The following DACH1 variants were observed in gnomAD, a reference collection of about 807,000 sequenced individuals.
DACH1 encodes the protein dachshund homolog 1.
A neutral mutation model predicts 54.2 loss-of-function variants in DACH1; 12 were observed. The ratio of observed to expected loss-of-function variants is 0.22; its 90% CI spans 0.14 to 0.36. The LOEUF (loss-of-function observed/expected upper bound fraction) is 0.36. Among genes scored for constraint, DACH1 ranks in the 10% least tolerant of loss-of-function variants. The pLI is 1.00. For synonymous variants in DACH1, 386 were observed against 366.2 expected (o/e 1.05, Z -0.62); for missense variants, 805 against 929.8 (o/e 0.87, Z 1.75).
At chr13:71,814,254 A>G (rs1424469821) in intron 1 of DACH1, among the ~76,000 whole-genome samples, 1 of 152,226 alleles carries the variant, frequency 6.6e-6, no homozygotes, top group East Asian at 1.9e-4. Flanking sequence ...AAGTTTATAA[A>G]TTATGCATGT....
At chr13:71,526,266 T>C (rs879426384) in intron 6 of DACH1, among the ~76,000 whole-genome samples, 1 of 152,124 alleles carries the variant, frequency 6.6e-6, no homozygotes, top group Admixed American at 6.6e-5. Context: ...ACAAATACCA[T>C]ATATTTTACC....
At chr13:71,774,420 A>G (rs1181646529) in intron 1 of DACH1, among the ~76,000 whole-genome samples, 1 of 152,186 alleles carries the variant, frequency 6.6e-6, no homozygotes, top group Non-Finnish European at 1.5e-5. Flanking sequence ...GACTCTCTTC[A>G]TCTGCAGCCT....
chr13:71,710,643 A>G (rs754732054), intron 1 of DACH1, among the ~76,000 whole-genome samples: 9 of 152,184 alleles, frequency 5.9e-5, no homozygotes, highest in Admixed American at 2.0e-4. Flanking sequence ...CTGAAAGATT[A>G]AAAGACAAAA....
chr13:71,802,964 G>T (rs2138129349), intron 1 of DACH1, among the ~76,000 whole-genome samples: 1 of 152,184 alleles, frequency 6.6e-6, no homozygotes, highest in East Asian at 1.9e-4. Flanking sequence ...AAGTCCTTCT[G>T]CTTCCAACAT....
At chr13:71,737,711 A>G (rs1211992811) in intron 1 of DACH1, among the ~76,000 whole-genome samples, 1 of 152,232 alleles carries the variant, frequency 6.6e-6, no homozygotes, top group Non-Finnish European at 1.5e-5. Flanking sequence ...CATTTAGAAG[A>G]TTCATTTGTC....
intron 3 of DACH1, among the ~76,000 whole-genome samples, chr13:71,605,599 T>G (rs1874819023): frequency 6.6e-6 from 1 of 152,000 alleles, no homozygotes; most frequent in African/African-American, 2.4e-5. Context: ...CTTATATCAT[T>G]TTTAAGCTTT....
Position 71,719,525 on chromosome 13 carries a change from TACTATGCTC to T in DACH1, c.849-37624_849-37616del, listed in dbSNP as rs1489757319. On this transcript the variant is annotated intron_variant, in intron 1 of 10. Coordinates refer to ENST00000613252, the MANE Select transcript of DACH1 (RefSeq NM_080759.6). ...TCTAGAAGTCACAGTACACTTTCTA[TACTATGCTC>T]ACTATCTGTGTGTATTATTCTATTA... is the stretch of plus-strand genomic sequence containing the variant. 1.1e-4 allele frequency among the ~76,000 whole-genome samples: 17 copies of T among 152,220 alleles called. No homozygotes were observed. The East Asian group carries it at 3.3e-3, about 29-fold the overall frequency.
chr13:71,519,883 G>T (rs576701275), intron 6 of DACH1, among the ~76,000 whole-genome samples: 7 of 29,328 alleles, frequency 2.4e-4, no homozygotes, highest in East Asian at 4.8e-3. Context: ...AACCAAAGTA[G>T]TATATATATA....
chr13:71,478,256 C>T (rs1877746247), intron 8 of DACH1, among the ~76,000 whole-genome samples: 1 of 152,172 alleles, frequency 6.6e-6, no homozygotes, highest in Non-Finnish European at 1.5e-5. Context: ...TAGAACTGTG[C>T]TATACATCTG....
chr13:71,736,409 C>A (rs1388974546), intron 1 of DACH1, among the ~76,000 whole-genome samples: 3 of 151,356 alleles, frequency 2.0e-5, no homozygotes, highest in Non-Finnish European at 3.0e-5. Context: ...ATTGAGAAAA[C>A]CAAAAAGACA....
At chr13:71,801,499 A>G (rs1372741497) in intron 1 of DACH1, among the ~76,000 whole-genome samples, 1 of 152,134 alleles carries the variant, frequency 6.6e-6, no homozygotes, top group Non-Finnish European at 1.5e-5. Context: ...AGCAGAAACT[A>G]AAAGTAATTT....
chr13:71,842,883 C>G (rs1872973081), intron 1 of DACH1, among the ~76,000 whole-genome samples: 1 of 152,080 alleles, frequency 6.6e-6, no homozygotes, highest in South Asian at 2.1e-4. Context: ...AATTGGGTGT[C>G]TTGTTAGAGC....
chr13:71,848,321 T>C (rs1873425531), intron 1 of DACH1, among the ~76,000 whole-genome samples: 1 of 152,200 alleles, frequency 6.6e-6, no homozygotes, highest in South Asian at 2.1e-4. Flanking sequence ...TGAAAGTTAG[T>C]GTTAATACAA....
rs1876061223 is a variant in DACH1 at position 71,619,685 on chromosome 13, G to T, written c.1126+10871C>A. ...TATTCAGTAAATTCAGTTTATATTTGTATTAAGTTAATGAGAGATTCTTGG... is the reference window on the plus strand; with the variant it reads ...TATTCAGTAAATTCAGTTTATATTTTTATTAAGTTAATGAGAGATTCTTGG... On this transcript the variant is annotated intron_variant, in intron 3 of 10. Transcript: ENST00000613252. Among the ~76,000 whole-genome samples the T allele has an allele frequency of 2.0e-5, 3 of 152,002 alleles. No homozygotes were observed. The South Asian group carries it at 6.2e-4, about 32-fold the overall frequency.
intron 10 of DACH1, among the ~76,000 whole-genome samples, chr13:71,466,851 A>AAAAC (rs1237250666): frequency 6.6e-6 from 1 of 150,776 alleles, no homozygotes; most frequent in East Asian, 1.9e-4. Flanking sequence ...GTCTCAAAAA[A>AAAAC]AAAAAAAAAA....
intron 1 of DACH1, among the ~76,000 whole-genome samples, chr13:71,798,044 A>C (rs1191617186): frequency 6.6e-6 from 1 of 152,032 alleles, no homozygotes; most frequent in East Asian, 1.9e-4. Context: ...TAACCGTTTA[A>C]GGGGAACCAA....
At chr13:71,696,674 A>G (rs2138738249) in intron 1 of DACH1, among the ~76,000 whole-genome samples, 2 of 152,076 alleles carry the variant, frequency 1.3e-5, no homozygotes, top group Admixed American at 6.5e-5. Flanking sequence ...CAGCCTCCCG[A>G]ATAGCAGGGA....
chr13:71,865,329 C>T (rs1384854432), intron 1 of DACH1, among the ~76,000 whole-genome samples: 1 of 152,148 alleles, frequency 6.6e-6, no homozygotes, highest in East Asian at 2.0e-4. Context: ...TCCCTCCCGA[C>T]CTCAAAGTGC....
chr13:71,831,713 C>T (rs149574537), intron 1 of DACH1, among the ~76,000 whole-genome samples: 25 of 152,028 alleles, frequency 1.6e-4, no homozygotes, highest in Middle Eastern at 3.4e-3. Context: ...ATTCATGAAC[C>T]GAGGGATAAC....
Sources: allele counts gnomAD v4.1 joint callset (sites outside exome capture counted in the v4.1 genomes callset), GRCh38; gene constraint gnomAD v4.1.1; transcripts MANE v1.5; gene names NCBI Gene and HGNC (gene_info 2026-07-23, HGNC 2026-07-21).